SPCS2: variants seen among roughly 807,000 people sequenced by gnomAD.
SPCS2 encodes SPase 25 kDa subunit.
A neutral mutation model predicts 22.3 loss-of-function variants in SPCS2; 3 were observed. The ratio of observed to expected loss-of-function variants is 0.13; its 90% CI spans 0.06 to 0.35. SPCS2 has a LOEUF of 0.35. Among genes scored for constraint, SPCS2 ranks in the 10% least tolerant of loss-of-function variants. The pLI, the probability that SPCS2 is intolerant of heterozygous loss-of-function variation, is 1.00. For missense variants in SPCS2, 169 were observed against 280.9 expected (o/e 0.60, Z 2.85); for synonymous variants, 67 against 97.2 (o/e 0.69, Z 1.83).
At chr11:74,965,672 A>T (rs1948540396) in intron 2 of SPCS2, 91 bp from the exon 3 acceptor site, 4 of 1,143,008 alleles carry the variant, frequency 3.5e-6, no homozygotes, top group Non-Finnish European at 5.0e-6. Context: ...TTGGTAATTC[A>T]TATGATTCTT....
At chr11:74,960,599 C>A (rs1445292543) in intron 1 of SPCS2, among the ~76,000 whole-genome samples, 1 of 117,698 alleles carries the variant, frequency 8.5e-6, no homozygotes, top group African/African-American at 3.1e-5. Flanking sequence ...TCTTTGTTTC[C>A]TGTTCTTTGT....
rs574782876 is a variant in SPCS2 at position 74,971,289 on chromosome 11, A to G, written c.494+1590A>G. ...TTTGGGTTGTTTCTACTTTTTGGCT[A>G]TTATGAATAATGTTGCTATACATAT... On this transcript the variant is annotated intron_variant, in intron 4 of 4. Coordinates refer to ENST00000263672, the MANE Select transcript of SPCS2 (RefSeq NM_014752.3). Among the ~76,000 whole-genome samples, 5 of 152,308 alleles carry G rather than the reference A, an allele frequency of 3.3e-5. No individual in the cohort carries two copies. In the South Asian group the frequency reaches 1.0e-3, roughly 32 times the overall value.
At chr11:74,966,129 T>A (rs1475329573) in intron 3 of SPCS2, among the ~76,000 whole-genome samples, 1 of 152,228 alleles carries the variant, frequency 6.6e-6, no homozygotes, top group Non-Finnish European at 1.5e-5. Context: ...GTATGGTTAT[T>A]TTATCGTAAT....
At chr11:74,953,795 C>G (rs1417410109) in intron 1 of SPCS2, among the ~76,000 whole-genome samples, 1 of 152,214 alleles carries the variant, frequency 6.6e-6, no homozygotes, top group Non-Finnish European at 1.5e-5. Flanking sequence ...AAAGCATTTT[C>G]TTCTGCCTGG....
At chr11:74,956,511 T>C (rs1948479663) in intron 1 of SPCS2, among the ~76,000 whole-genome samples, 1 of 151,968 alleles carries the variant, frequency 6.6e-6, no homozygotes, top group Non-Finnish European at 1.5e-5. Context: ...CTTTGCTTTG[T>C]ACTCCACAGC....
chr11:74,971,562 G>A (rs898747938), intron 4 of SPCS2, among the ~76,000 whole-genome samples: 13 of 152,032 alleles, frequency 8.6e-5, no homozygotes, highest in African/African-American at 2.4e-4. Flanking sequence ...CTCTCTTCCC[G>A]GCTTTCTGCT....
At chr11:74,974,758 G>C (rs1030234126) in intron 4 of SPCS2, among the ~76,000 whole-genome samples, 4 of 152,146 alleles carry the variant, frequency 2.6e-5, no homozygotes, top group Non-Finnish European at 5.9e-5. Context: ...GGGACTACAG[G>C]CACCAGCCAC....
At chr11:74,966,929 A>AT (rs1184103632) in intron 3 of SPCS2, among the ~76,000 whole-genome samples, 1 of 152,014 alleles carries the variant, frequency 6.6e-6, no homozygotes, top group African/African-American at 2.4e-5. Flanking sequence ...TAATTTTTAA[A>AT]TTTTTTACAG....
At chr11:74,950,146 C>T (rs1356696999) in intron 1 of SPCS2, among the ~76,000 whole-genome samples, 1 of 152,204 alleles carries the variant, frequency 6.6e-6, no homozygotes, top group Non-Finnish European at 1.5e-5. Context: ...GCCTTTCTTG[C>T]TCTTTGCACA....
At chr11:74,976,765 C>T (rs908444374) in intron 4 of SPCS2, 92 bp from the exon 5 acceptor site, 3 of 1,526,236 alleles carry the variant, frequency 2.0e-6, no homozygotes, top group Admixed American at 1.8e-5. Context: ...GCCCAGCTTA[C>T]TCCTTTTCTT....
At chr11:74,972,571 G>T (rs560354943) in intron 4 of SPCS2, among the ~76,000 whole-genome samples, 1 of 152,102 alleles carries the variant, frequency 6.6e-6, no homozygotes, top group Non-Finnish European at 1.5e-5. Context: ...AGGGCCTGGC[G>T]TGGCATGTTT....
chr11:74,958,348 T>G (rs1054683710), intron 1 of SPCS2, among the ~76,000 whole-genome samples: 1 of 152,256 alleles, frequency 6.6e-6, no homozygotes, highest in Non-Finnish European at 1.5e-5. Flanking sequence ...AAAAAATAGA[T>G]TGAAATTGAA....
chr11:74,959,534 AGGTG>A (rs1023653106), intron 1 of SPCS2, among the ~76,000 whole-genome samples: 1 of 152,156 alleles, frequency 6.6e-6, no homozygotes, highest in Non-Finnish European at 1.5e-5. Context: ...CTGGGACTTT[AGGTG>A]GGCACCACCA....
At chr11:74,952,991 C>A (rs1368396992) in intron 1 of SPCS2, among the ~76,000 whole-genome samples, 1 of 152,192 alleles carries the variant, frequency 6.6e-6, no homozygotes, top group African/African-American at 2.4e-5. Flanking sequence ...TAGTGATCAA[C>A]ACAAGATAAG....
chr11:74,974,233 A>G (rs1342488873), intron 4 of SPCS2, among the ~76,000 whole-genome samples: 1 of 152,040 alleles, frequency 6.6e-6, no homozygotes, highest in Non-Finnish European at 1.5e-5. Flanking sequence ...TTGAAATGCC[A>G]CCAGGGCTTG....
chr11:74,974,059 A>G (rs1948602446), intron 4 of SPCS2, among the ~76,000 whole-genome samples: 1 of 149,372 alleles, frequency 6.7e-6, no homozygotes, highest in Admixed American at 6.7e-5. Flanking sequence ...TGTCTCCTTT[A>G]CTTGACCTGT....
At chr11:74,964,029 CA>C (rs1223926974) in intron 1 of SPCS2, among the ~76,000 whole-genome samples, 1 of 152,174 alleles carries the variant, frequency 6.6e-6, no homozygotes, top group Non-Finnish European at 1.5e-5. Flanking sequence ...TTTAAAGGCA[CA>C]CATAGAGTAA....
intron 4 of SPCS2, among the ~76,000 whole-genome samples, chr11:74,974,435 T>A (rs1948604214): frequency 6.6e-6 from 1 of 152,196 alleles, no homozygotes; most frequent in Non-Finnish European, 1.5e-5. Context: ...TTTTTCCCAC[T>A]TCAATAAATG....
At position 74,957,553 on chromosome 11, in the gene SPCS2, C is replaced by T. The variant is rs180834285; in HGVS notation, c.115-7481C>T. On this transcript the variant is annotated intron_variant, in intron 1 of 4. Coordinates refer to ENST00000263672, the MANE Select transcript of SPCS2 (RefSeq NM_014752.3). ...GTCTTCGTGCCTTAATTCAGGTCTT[C>T]CTTGGCAGCATCCCTCTCTCTTCCA... Among the ~76,000 whole-genome samples the T allele has an allele frequency of 3.7e-3, 560 of 152,328 alleles. 1 individual carries two copies. Among genetic ancestry groups the T allele is most frequent in the Non-Finnish European group, 6.6e-3 (452 of 68,034 alleles).
Sources: allele counts gnomAD v4.1 joint callset (sites outside exome capture counted in the v4.1 genomes callset), GRCh38; gene constraint gnomAD v4.1.1; transcripts MANE v1.5; gene names NCBI Gene and HGNC (gene_info 2026-07-23, HGNC 2026-07-21).